DISP2: variants seen among roughly 807,000 people sequenced by gnomAD.
DISP2 encodes protein dispatched homolog 2.
In DISP2, 59 loss-of-function variants were observed where a neutral mutation model predicts 95.5. The ratio of observed to expected loss-of-function variants is 0.62; its 90% CI spans 0.50 to 0.77. The LOEUF is 0.77. Ranked by LOEUF, DISP2 falls within the 30% of genes least tolerant of loss-of-function variation. The pLI, the probability that DISP2 is intolerant of heterozygous loss-of-function variation, is 0.00. For synonymous variants in DISP2, 827 were observed against 815.0 expected, an observed-to-expected ratio of 1.01 and a Z score of -0.25; for missense variants, 1,752 against 1,854.6, an observed-to-expected ratio of 0.94 and a Z score of 1.02.
Position 40,363,858 on chromosome 15 carries a change from G to A in DISP2, c.353G>A (p.Cys118Tyr). 1.2e-6 allele frequency: 2 copies of A among 1,606,374 alleles called. No individual in the cohort carries two copies. Among genetic ancestry groups the A allele is most frequent in the Non-Finnish European group, 8.5e-7 (1 of 1,175,186 alleles). ...GGACTTGGGGATCGGGCAGCTCTCT[G>A]CTCCCACGGCTCCAGCCTCAGCCCT... Reference protein sequence around the residue: ...LPGLGDRAALCSHGSSLSPSP... With the variant: ...LPGLGDRAALYSHGSSLSPSP... Residue 118 changes from cysteine to tyrosine, a missense_variant, in exon 2 of 8, where the codon TGC becomes TAC. By Grantham distance (194) the Cys-to-Tyr change is radical. Around this residue, in one of 5 missense-constraint regions of DISP2, gnomAD observed 342 missense variants for 364.3 expected, o/e 0.94. Coordinates refer to ENST00000267889, the MANE Select transcript of DISP2 (RefSeq NM_033510.3).
In DISP2 at chr15:40,367,532, C is replaced by T. The variant is rs141024022; in HGVS notation, c.1420C>T (p.Leu474=). 103 of 1,613,832 alleles carry T rather than the reference C, an allele frequency of 6.4e-5. No homozygotes were observed. The African/African-American group carries it at 1.2e-3, about 19-fold the overall frequency. ...CTACACCTCTGTCACTGGCATGGAC[C>T]TGGGCCTCAAGCAGGAGCTGCTGAG... The part of the protein sequence containing the change: ...DNYTSVTGMD[L]GLKQELLRHF... The change falls in exon 8 of 8, where the codon CTG becomes TTG. Residue 474 remains leucine, a synonymous_variant. Coordinates refer to ENST00000267889, the MANE Select transcript of DISP2 (RefSeq NM_033510.3).
chr15:40,368,148 T>C lies in DISP2; in HGVS notation c.2036T>C (p.Leu679Pro). ...GCGCTGCACCGGCGGCTCCGCGGCC[T>C]GCGGAGGGCGGCGGCTGGCACCTCG... The part of the protein sequence containing the change: ...LLALHRRLRG[L>P]RRAAAGTSRL... The change falls in exon 8 of 8, where the codon CTG becomes CCG. Residue 679 changes from leucine to proline, a missense_variant. By Grantham distance (98) the Leu-to-Pro change is moderately conservative. Transcript: ENST00000267889. The C allele has an allele frequency of 6.6e-7, 1 of 1,513,932 alleles. No homozygotes were observed. The allele number at this position is 1,513,932 out of a possible 1,614,324, so 93.8% of individuals were successfully genotyped here.
At position 40,369,240 on chromosome 15, in the gene DISP2, G is replaced by A. The variant is rs1889584140; in HGVS notation, c.3128G>A (p.Cys1043Tyr). ...TVNYCISYHL[C>Y]PHPDRLSRVA... ...AACTACTGCATCTCCTATCACCTGT[G>A]CCCACACCCTGACCGCCTGAGCCGT... The change falls in exon 8 of 8, where the codon TGC becomes TAC. Residue 1043 changes from cysteine (C) to tyrosine (Y), a missense_variant. Cys to Tyr is a radical substitution (Grantham distance 194). This residue lies in a region of DISP2 where 317 missense variants were observed against 394.9 expected (regional missense o/e 0.80). Transcript: ENST00000267889. 6 of 1,613,822 alleles carry A rather than the reference G, an allele frequency of 3.7e-6. No homozygotes were observed. The highest frequency in any genetic ancestry group is 5.1e-6 in the Non-Finnish European group (6 of 1,180,036).
chr15:40,358,432 C>A lies in DISP2; in HGVS notation c.111C>A (p.Ser37=). The A allele has an allele frequency of 7.6e-7, 1 of 1,319,058 alleles. No homozygotes were observed. Among genetic ancestry groups the A allele is most frequent in the Non-Finnish European group, 9.7e-7 (1 of 1,034,080 alleles). The allele number at this position is 1,319,058 out of a possible 1,614,324, so 81.7% of individuals were successfully genotyped here. The stretch of plus-strand genomic sequence containing the variant: ...AGCCCTTGGCCCCAGACGGCGGCTC[C>A]CCGGACAGGTAGGGCGGACAGCTCC... ...EGEPLAPDGG[S]PDSTQTKAVP... is the part of the protein sequence containing the mutation. Residue 37 remains serine, a synonymous_variant, in exon 1 of 8, where the codon TCC becomes TCA. Transcript: ENST00000267889.
In DISP2 at chr15:40,378,143, T is replaced by C. The variant is rs1443624858; in HGVS notation, c.*7825T>C. ...TACCAGTCATGCAAACTATAACCCA[T>C]CATAAGGAGAAAAATCAGTTGAAAC... On this transcript the variant is annotated 3_prime_UTR_variant, in exon 8 of 8. Transcript: ENST00000267889. 1 of 152,128 alleles carries C rather than the reference T, an allele frequency of 6.6e-6. No homozygotes were observed. Among genetic ancestry groups the C allele is most frequent in the Middle Eastern group, 3.2e-3 (1 of 312 alleles). The allele number at this position is 152,128 out of a possible 1,614,324, so 9.4% of individuals were successfully genotyped here.
chr15:40,370,455 C>T lies in DISP2; in HGVS notation c.*137C>T. 1 of 1,348,514 alleles carries T rather than the reference C, an allele frequency of 7.4e-7. No homozygotes were observed. Among genetic ancestry groups the T allele is most frequent in the Non-Finnish European group, 1.0e-6 (1 of 1,003,888 alleles). 83.5% of individuals were successfully genotyped at this position (1,348,514 alleles called of 1,614,324 possible). ...TCACCCTCCAGCTGTGGATGTTAAA[C>T]CCTGCCAGATGTCCCAGCCTTGATC... On this transcript the variant is annotated 3_prime_UTR_variant, in exon 8 of 8. Transcript: ENST00000267889.
chr15:40,364,308 T>G (rs1595725617), intron 3 of DISP2, 53 bp downstream of exon 3: 1 of 1,613,986 alleles, frequency 6.2e-7, no homozygotes, highest in East Asian at 2.2e-5. Context: ...GGTGCCCAGT[T>G]AGCCCTGTTC....
chr15:40,369,530 G>C lies in DISP2; in HGVS notation c.3418G>C (p.Gly1140Arg). The change falls in exon 8 of 8, where the codon GGT (glycine) becomes CGT (arginine). Residue 1140 changes from glycine to arginine, a missense_variant. This residue lies in a region of DISP2 where 347 missense variants were observed against 344.2 expected (regional missense o/e 1.01). Transcript: ENST00000267889. ...LPWDAGTGDP[G>R]GEKAGRPRPG... is the part of the protein sequence containing the mutation. ...ATGGGATGCTGGTACTGGGGACCCT[G>C]GTGGGGAGAAGGCAGGCCGCCCACG... is the stretch of plus-strand genomic sequence containing the variant. 6.2e-7 allele frequency: 1 copy of C among 1,612,956 alleles called. No individual in the cohort carries two copies. Among genetic ancestry groups the C allele is most frequent in the Non-Finnish European group, 8.5e-7 (1 of 1,180,010 alleles).
chr15:40,367,318 C>T lies in DISP2; in HGVS notation c.1206C>T (p.Cys402=), dbSNP rs142064309. The T allele has an allele frequency of 1.1e-5, 17 of 1,613,666 alleles. No homozygotes were observed. The African/African-American group carries it at 1.9e-4, about 18-fold the overall frequency. ...SPRCAQVPTK[C]SQSSAIYQLL... ...GCTGTGCCCAGGTTCCCACCAAGTG[C>T]TCCCAGAGTAGTGCCATCTACCAAC... The change falls in exon 8 of 8, where the codon TGC becomes TGT. Residue 402 remains cysteine (C), a synonymous_variant. Coordinates refer to ENST00000267889, the MANE Select transcript of DISP2 (RefSeq NM_033510.3).
chr15:40,360,283 G>A lies in DISP2; in HGVS notation c.119+1843G>A, dbSNP rs369428495. ...GAATAAAAAACCCCTGTGTAGCCCT[G>A]GGGTGCTTAACTCCTATTTTACTGA... is the stretch of plus-strand genomic sequence containing the variant. On this transcript the variant is annotated intron_variant, in intron 1 of 7. Coordinates refer to ENST00000267889, the MANE Select transcript of DISP2 (RefSeq NM_033510.3). 4.3e-4 allele frequency among the ~76,000 whole-genome samples: 65 copies of A among 152,326 alleles called. 2 individuals are homozygous for A. In the East Asian group the frequency reaches 8.5e-3, roughly 20 times the overall value.
At position 40,363,615 on chromosome 15, in the gene DISP2, C is replaced by G. The variant is rs777269574; in HGVS notation, c.120-10C>G. The G allele has an allele frequency of 5.9e-6, 9 of 1,514,168 alleles. No individual in the cohort carries two copies. In the Admixed American group the frequency reaches 1.8e-4, roughly 30 times the overall value. The allele number at this position is 1,514,168 out of a possible 1,614,324, so 93.8% of individuals were successfully genotyped here. On this transcript the variant is annotated splice_polypyrimidine_tract_variant and intron_variant, in intron 1 of 7. Coordinates refer to ENST00000267889, the MANE Select transcript of DISP2 (RefSeq NM_033510.3). ...CCCACCCCAATCTTCCTTGTCTCCT[C>G]TCTTCCTAGCACCCAGACCAAGGCT...
intron 1 of DISP2, among the ~76,000 whole-genome samples, chr15:40,360,711 CCCT>C (rs763210547): frequency 1.3e-5 from 2 of 152,148 alleles, no homozygotes; most frequent in Non-Finnish European, 2.9e-5. Flanking sequence ...TGCTGGCTTC[CCCT>C]AATGCAAAAG....
chr15:40,368,204 G>C lies in DISP2; in HGVS notation c.2092G>C (p.Gly698Arg). The part of the protein sequence containing the change: ...RLLFQRLLPC[G>R]VIKFRYIWIC... ...GCTCTTCCAGCGCCTGCTGCCCTGC[G>C]GCGTCATCAAGTTCCGCTACATCTG... is the stretch of plus-strand genomic sequence containing the variant. The change falls in exon 8 of 8, where the codon GGC becomes CGC. Residue 698 changes from glycine (G) to arginine (R), a missense_variant. Around this residue, in one of 5 missense-constraint regions of DISP2, gnomAD observed 732 missense variants for 714.6 expected, o/e 1.02. Transcript: ENST00000267889. 6.2e-7 allele frequency: 1 copy of C among 1,608,510 alleles called. No individual in the cohort carries two copies. The highest frequency in any genetic ancestry group is 8.5e-7 in the Non-Finnish European group (1 of 1,178,678).
rs1481455584 is a variant in DISP2, at chr15:40,358,465, C to T, written c.119+25C>T. 8 of 1,258,612 alleles carry T rather than the reference C, an allele frequency of 6.4e-6. No individual in the cohort carries two copies. The African/African-American group carries it at 7.7e-5, about 12-fold the overall frequency. 78.0% of individuals were successfully genotyped at this position (1,258,612 alleles called of 1,614,324 possible). A position where few individuals can be genotyped will look rare whatever the true frequency, so the allele number is the denominator to read the frequency against. On this transcript the variant is annotated intron_variant, in intron 1 of 7. Coordinates refer to ENST00000267889, the MANE Select transcript of DISP2 (RefSeq NM_033510.3). ...GGTAGGGCGGACAGCTCCGCAGATC[C>T]GTATCACAGACCCTCCCAGACCCTC...
At position 40,369,199 on chromosome 15, in the gene DISP2, A is replaced by G. The variant is rs1298211680; in HGVS notation, c.3087A>G (p.Ser1029=). The G allele has an allele frequency of 1.2e-6, 2 of 1,613,962 alleles. No homozygotes were observed. The highest frequency in any genetic ancestry group is 1.1e-5 in the South Asian group (1 of 91,090). The change falls in exon 8 of 8, where the codon TCA becomes TCG. Residue 1029 remains serine (S), a synonymous_variant. Coordinates refer to ENST00000267889, the MANE Select transcript of DISP2 (RefSeq NM_033510.3). ...TTCTCTCTGCCTCAGTGGGCCTCTC[A>G]GTAGACTTCACTGTCAACTACTGCA... ...ALFLSASVGL[S]VDFTVNYCIS... is the part of the protein sequence containing the mutation.
At position 40,376,319 on chromosome 15, in the gene DISP2, T is replaced by A. The variant is rs994006540; in HGVS notation, c.*6001T>A. ...ATCCCGTATCTACAAAAAATAATTT[T>A]AAAAATTAGCTGGGCATGGGCCGGG... On this transcript the variant is annotated 3_prime_UTR_variant, in exon 8 of 8. Transcript: ENST00000267889. The A allele has an allele frequency of 6.6e-6, 1 of 152,078 alleles. No homozygotes were observed. The highest frequency in any genetic ancestry group is 1.5e-5 in the Non-Finnish European group (1 of 68,040). The allele number at this position is 152,078 out of a possible 1,614,324, so 9.4% of individuals were successfully genotyped here. A position where few individuals can be genotyped will look rare whatever the true frequency, so the allele number is the denominator to read the frequency against.
In DISP2 at chr15:40,365,633, A is replaced by C. The variant is rs1380178810; in HGVS notation, c.853A>C (p.Ser285Arg). 1 of 1,613,856 alleles carries C rather than the reference A, an allele frequency of 6.2e-7. No homozygotes were observed. The highest frequency in any genetic ancestry group is 8.5e-7 in the Non-Finnish European group (1 of 1,179,970). The change falls in exon 7 of 8, where the codon AGC becomes CGC. Residue 285 changes from serine to arginine, a missense_variant. Transcript: ENST00000267889. ...ENFFCGPPEKSYAKLVFMSTS... is the reference protein window; with the variant it reads ...ENFFCGPPEKRYAKLVFMSTS... Reference sequence around the variant, plus strand: ...GTTGCGGGGGTATGTTGCAGAGAAGAGCTATGCAAAGCTGGTGTTCATGTC... The same window carrying C: ...GTTGCGGGGGTATGTTGCAGAGAAGCGCTATGCAAAGCTGGTGTTCATGTC...
At position 40,362,533 on chromosome 15, in the gene DISP2, C is replaced by G. The variant is rs559329153; in HGVS notation, c.120-1092C>G. Among the ~76,000 whole-genome samples, 8 of 152,338 alleles carry G rather than the reference C, an allele frequency of 5.3e-5. No homozygotes were observed. In the South Asian group the frequency reaches 1.7e-3, roughly 32 times the overall value. On this transcript the variant is annotated intron_variant, in intron 1 of 7. Coordinates refer to ENST00000267889, the MANE Select transcript of DISP2 (RefSeq NM_033510.3). ...GCGATATGGAGATGAACAAATGCAA[C>G]AGACCCCTGTTCTCCCAGCACTCAC...
At position 40,367,782 on chromosome 15, in the gene DISP2, A is replaced by G. The variant is rs1481267945; in HGVS notation, c.1670A>G (p.Asn557Ser). The change falls in exon 8 of 8, where the codon AAC (asparagine) becomes AGC (serine). Residue 557 changes from asparagine to serine, a missense_variant. Physicochemically the swap from Asn to Ser is conservative, Grantham distance 46. Around this residue, in one of 5 missense-constraint regions of DISP2, gnomAD observed 732 missense variants for 714.6 expected, o/e 1.02. Coordinates refer to ENST00000267889, the MANE Select transcript of DISP2 (RefSeq NM_033510.3). ...ALLLLSSVCA[N>S]HTLIFFDLWR... ...CTCCTGCTGAGCAGCGTCTGCGCCA[A>G]CCACACGCTCATCTTCTTCGACCTG... The G allele has an allele frequency of 2.5e-6, 4 of 1,608,772 alleles. No individual in the cohort carries two copies. The African/African-American group carries it at 5.3e-5, about 21-fold the overall frequency.
Sources: gnomAD v4.1 joint callset for allele counts (sites outside exome capture counted in the v4.1 genomes callset) on GRCh38, gnomAD v4.1.1 for gene constraint, gnomAD v4.1.1 regional missense constraint, MANE v1.5 for transcripts, NCBI Gene and HGNC (gene_info 2026-07-23, HGNC 2026-07-21) for gene names.